Variants in ELP1 observed in about 807,000 individuals in gnomAD.
ELP1 encodes elongator acetyltransferase complex subunit 1, also known as elongator complex protein 1.
In ELP1, 131 loss-of-function variants were observed where a neutral mutation model predicts 183.2. The observed-to-expected ratio is 0.72, with a 90% CI of 0.62 to 0.83. The LOEUF is 0.83. ELP1 is among the 40% of genes least tolerant of loss of function. The pLI, the probability that ELP1 is intolerant of heterozygous loss-of-function variation, is 0.00. For missense variants in ELP1, 1,550 were observed against 1,594.9 expected (o/e 0.97, Z 0.48); for synonymous variants, 555 against 569.0 (o/e 0.98, Z 0.35).
chr9:108,910,087 T>G (rs1263470863), intron 12 of ELP1, among the ~76,000 whole-genome samples: 1 of 152,210 alleles, frequency 6.6e-6, no homozygotes, highest in Non-Finnish European at 1.5e-5. Flanking sequence ...ATAAACTCAT[T>G]AGCATCATAC....
chr9:108,881,884 G>A, intron 30 of ELP1, 119 bp from the exon 31 acceptor site: 2 of 740,364 alleles, frequency 2.7e-6, no homozygotes, highest in Non-Finnish European at 4.7e-6. Context: ...TGAAAAACAG[G>A]CCTCCTACAA....
At chr9:108,912,550 A>T in intron 10 of ELP1, 56 bp from the exon 11 acceptor site, 1 of 1,296,518 alleles carries the variant, frequency 7.7e-7, no homozygotes, top group Non-Finnish European at 1.1e-6. Context: ...ACTTCATCCC[A>T]CTTGCCAGAG....
rs1444415043 is a variant in ELP1, at chr9:108,911,193, A to G, written c.1190-13T>C. The G allele has an allele frequency of 6.2e-7, 1 of 1,613,656 alleles. No homozygotes were observed. Among genetic ancestry groups the G allele is most frequent in the Non-Finnish European group, 8.5e-7 (1 of 1,179,686 alleles). ...ACCAACACCCTGTCTGCAGTGAAAA[A>G]GAAAGAAGAGGATTAGACCTAGGGA... On this transcript the variant is annotated splice_polypyrimidine_tract_variant and intron_variant, in intron 11 of 36. Transcript: ENST00000374647.
chr9:108,870,969 ATTTTTTTT>A lies in ELP1; in HGVS notation c.3932-1795_3932-1788del, dbSNP rs33952302. Among the ~76,000 whole-genome samples, 8 of 83,566 alleles carry A rather than the reference ATTTTTTTT, an allele frequency of 9.6e-5. No individual in the cohort carries two copies. In the South Asian group the frequency reaches 1.9e-3, roughly 20 times the overall value. 54.8% of individuals were successfully genotyped at this position (83,566 alleles called of 152,430 possible). On this transcript the variant is annotated intron_variant, in intron 36 of 36. Coordinates refer to ENST00000374647, the MANE Select transcript of ELP1 (RefSeq NM_003640.5). Reference sequence around the variant, plus strand: ...CCTATCTTGAAATCCTTCATGCACCATTTTTTTTTTTTTTTTTTTTTTTTGTGCCAGAT... The same window carrying A: ...CCTATCTTGAAATCCTTCATGCACCATTTTTTTTTTTTTTTTGTGCCAGAT...
intron 3 of ELP1, among the ~76,000 whole-genome samples, chr9:108,928,305 A>T (rs977145671): frequency 6.6e-6 from 1 of 152,228 alleles, no homozygotes; most frequent in Non-Finnish European, 1.5e-5. Flanking sequence ...TTCTTCCCAG[A>T]GCTGTCTCAC....
chr9:108,870,043 A>G (rs1460358130), intron 36 of ELP1, among the ~76,000 whole-genome samples: 1 of 151,792 alleles, frequency 6.6e-6, no homozygotes, highest in Non-Finnish European at 1.5e-5. Flanking sequence ...TGGCACGATC[A>G]TGACTCACTG....
At chr9:108,907,159 T>C (rs961443316) in intron 13 of ELP1, among the ~76,000 whole-genome samples, 1 of 152,116 alleles carries the variant, frequency 6.6e-6, no homozygotes, top group Non-Finnish European at 1.5e-5. Flanking sequence ...CCACCTCTGG[T>C]TTTCACTGAC....
At chr9:108,885,422 A>G (rs937809721) in intron 29 of ELP1, among the ~76,000 whole-genome samples, 1 of 152,206 alleles carries the variant, frequency 6.6e-6, no homozygotes, top group Non-Finnish European at 1.5e-5. Context: ...AAATGAACAA[A>G]TTACTTGAAA....
intron 6 of ELP1, among the ~76,000 whole-genome samples, chr9:108,920,213 T>C (rs79310943): frequency 0.018 from 2,725 of 152,090 alleles, 31 homozygotes; most frequent in Non-Finnish European, 0.025. Flanking sequence ...AATTTCTACA[T>C]ATAATTATGC....
At position 108,914,783 on chromosome 9, in the gene ELP1, G is replaced by A. The variant is rs557668500; in HGVS notation, c.958+1421C>T. 1.8e-4 allele frequency among the ~76,000 whole-genome samples: 28 copies of A among 152,048 alleles called. No homozygotes were observed. In the East Asian group the frequency reaches 4.9e-3, roughly 26 times the overall value. ...TGGGACTACAGGCGCCTGCCACCACGCCCAGCTAATTTTTTGTATTTTTAG... is the reference window on the plus strand; with the variant it reads ...TGGGACTACAGGCGCCTGCCACCACACCCAGCTAATTTTTTGTATTTTTAG... On this transcript the variant is annotated intron_variant, in intron 10 of 36. Transcript: ENST00000374647.
chr9:108,885,339 C>T (rs1828086185), intron 29 of ELP1, among the ~76,000 whole-genome samples: 1 of 151,946 alleles, frequency 6.6e-6, no homozygotes, highest in Non-Finnish European at 1.5e-5. Flanking sequence ...AGGACATCAC[C>T]ATAGACCCTA....
intron 14 of ELP1, among the ~76,000 whole-genome samples, chr9:108,904,146 T>C (rs950146679): frequency 7.2e-5 from 11 of 152,210 alleles, no homozygotes; most frequent in South Asian, 2.1e-4. Context: ...ATCATATCGA[T>C]TGATGGAAAA....
At position 108,878,900 on chromosome 9, in the gene ELP1, T is replaced by C. The variant is rs562892234; in HGVS notation, c.3573-150A>G. 1.3e-5 allele frequency: 10 copies of C among 787,964 alleles called. No homozygotes were observed. In the East Asian group the frequency reaches 2.1e-4, roughly 16 times the overall value. The allele number at this position is 787,964 out of a possible 1,614,324, so 48.8% of individuals were successfully genotyped here. A position where few individuals can be genotyped will look rare whatever the true frequency, so the allele number is the denominator to read the frequency against. On this transcript the variant is annotated intron_variant, in intron 33 of 36. Coordinates refer to ENST00000374647, the MANE Select transcript of ELP1 (RefSeq NM_003640.5). The stretch of plus-strand genomic sequence containing the variant: ...TTAAATTCCTAAAGCAAAATTCAGT[T>C]TGAATATATAATCTTGCATTGCTTT...
intron 16 of ELP1, 98 bp downstream of exon 16, chr9:108,902,741 G>A (rs1190741078): frequency 1.2e-6 from 1 of 839,768 alleles, no homozygotes; most frequent in East Asian, 2.4e-5. Flanking sequence ...ATTTAGTGGA[G>A]ACCCAAGTCC....
chr9:108,919,827 T>C (rs1829578568), intron 6 of ELP1, among the ~76,000 whole-genome samples: 2 of 152,076 alleles, frequency 1.3e-5, no homozygotes, highest in South Asian at 2.1e-4. Flanking sequence ...GACGAAAACA[T>C]GGAAATGTTC....
At chr9:108,928,425 A>G (rs1829887924) in intron 3 of ELP1, among the ~76,000 whole-genome samples, 1 of 152,208 alleles carries the variant, frequency 6.6e-6, no homozygotes, top group African/African-American at 2.4e-5. Context: ...GTCCAGAAAA[A>G]GTTTTTCTGA....
At chr9:108,883,448 T>C (rs943763524) in intron 29 of ELP1, among the ~76,000 whole-genome samples, 1 of 152,198 alleles carries the variant, frequency 6.6e-6, no homozygotes, top group Non-Finnish European at 1.5e-5. Context: ...ATCACAGGCA[T>C]GAACCTCTGT....
intron 5 of ELP1, among the ~76,000 whole-genome samples, chr9:108,923,578 A>G (rs1294110600): frequency 6.6e-6 from 1 of 152,240 alleles, no homozygotes; most frequent in Admixed American, 6.5e-5. Flanking sequence ...TCCGGAACAT[A>G]AAACCCCAAG....
At chr9:108,870,910 T>C (rs1368457709) in intron 36 of ELP1, among the ~76,000 whole-genome samples, 1 of 152,016 alleles carries the variant, frequency 6.6e-6, no homozygotes, top group Non-Finnish European at 1.5e-5. Context: ...TCCTCCGGTG[T>C]GATGTCTATC....
Sources: gnomAD v4.1 joint callset for allele counts (sites outside exome capture counted in the v4.1 genomes callset) on GRCh38, gnomAD v4.1.1 for gene constraint, MANE v1.5 for transcripts, NCBI Gene and HGNC (gene_info 2026-07-23, HGNC 2026-07-21) for gene names.